PPME1: variants seen among roughly 807,000 people sequenced by gnomAD.
PPME1 encodes testicular secretory protein Li 39.
Under a neutral mutation model 56.9 loss-of-function variants are expected in PPME1, and 17 were observed. The observed-to-expected ratio is 0.30, with a 90% CI of 0.20 to 0.45. The LOEUF (loss-of-function observed/expected upper bound fraction) is 0.45. Ranked by LOEUF, PPME1 falls within the 20% of genes least tolerant of loss-of-function variation. PPME1 has a pLI of 1.00. For missense variants in PPME1, 357 were observed against 483.2 expected, an observed-to-expected ratio of 0.74 and a Z score of 2.45; for synonymous variants, 122 against 156.2, an observed-to-expected ratio of 0.78 and a Z score of 1.63.
At chr11:74,182,448 C>T (rs1228742931) in intron 1 of PPME1, among the ~76,000 whole-genome samples, 1 of 151,870 alleles carries the variant, frequency 6.6e-6, no homozygotes, top group Non-Finnish European at 1.5e-5. Flanking sequence ...CAACCTCTGC[C>T]TCACAGGTCC....
intron 1 of PPME1, among the ~76,000 whole-genome samples, chr11:74,184,147 A>G (rs1175998441): frequency 1.3e-5 from 2 of 152,224 alleles, no homozygotes; most frequent in Non-Finnish European, 2.9e-5. Context: ...TATAATGCTT[A>G]TAAAGTGCCT....
At chr11:74,208,464 TTAAATC>T (rs1215446621) in intron 3 of PPME1, among the ~76,000 whole-genome samples, 5 of 152,278 alleles carry the variant, frequency 3.3e-5, no homozygotes. Flanking sequence ...CTTACGATGT[TTAAATC>T]TAATAGGGAA....
chr11:74,200,283 C>A (rs987766128), intron 1 of PPME1, among the ~76,000 whole-genome samples: 1 of 151,850 alleles, frequency 6.6e-6, no homozygotes, highest in African/African-American at 2.4e-5. Context: ...AAGATTCTTG[C>A]CACTTATGTA....
rs116071420 is a variant in PPME1, at chr11:74,232,952, C to T, written c.644+1950C>T. ...CCTGAGCTCAAGCAGTCTGCCTGCCCGCCTCGGCCTCTCAGAGTCATGGGA... is the reference window on the plus strand; with the variant it reads ...CCTGAGCTCAAGCAGTCTGCCTGCCTGCCTCGGCCTCTCAGAGTCATGGGA... On this transcript the variant is annotated intron_variant, in intron 7 of 13. Transcript: ENST00000328257. Among the ~76,000 whole-genome samples, 173 of 150,456 alleles carry T rather than the reference C, an allele frequency of 1.1e-3. 1 individual carries two copies. Among genetic ancestry groups the T allele is most frequent in the African/African-American group, 3.7e-3 (150 of 40,904 alleles).
In PPME1 at chr11:74,254,612, CT is replaced by C. The variant is rs1289386865; in HGVS notation, c.*1103del. 2 of 153,174 alleles carry C rather than the reference CT, an allele frequency of 1.3e-5. No individual in the cohort carries two copies. Among genetic ancestry groups the C allele is most frequent in the Non-Finnish European group, 2.9e-5 (2 of 68,206 alleles). The allele number at this position is 153,174 out of a possible 1,614,324, so 9.5% of individuals were successfully genotyped here. ...CTTTCCACTCAACAACCTCCCACCCCTGTCCTGCTGCATGGTCCGGAGTCTG... is the reference window on the plus strand; with the variant it reads ...CTTTCCACTCAACAACCTCCCACCCCGTCCTGCTGCATGGTCCGGAGTCTG... On this transcript the variant is annotated 3_prime_UTR_variant, in exon 14 of 14. Coordinates refer to ENST00000328257, the MANE Select transcript of PPME1 (RefSeq NM_016147.3).
At chr11:74,251,099 C>T in intron 12 of PPME1, 81 bp downstream of exon 12, 2 of 1,538,230 alleles carry the variant, frequency 1.3e-6, no homozygotes, top group Non-Finnish European at 1.8e-6. Flanking sequence ...CTCTGAGTCT[C>T]AGCCTGCATT....
chr11:74,251,623 C>A, intron 12 of PPME1, 25 bp from the exon 13 acceptor site: 4 of 1,610,182 alleles, frequency 2.5e-6, no homozygotes, highest in Non-Finnish European at 3.4e-6. Context: ...CTTTATATGG[C>A]CTGGAATATC....
At chr11:74,233,656 T>C (rs1859122688) in intron 7 of PPME1, among the ~76,000 whole-genome samples, 1 of 151,924 alleles carries the variant, frequency 6.6e-6, no homozygotes, top group Non-Finnish European at 1.5e-5. Context: ...CTACAAAAAA[T>C]ATATATATTT....
At chr11:74,220,561 G>A (rs920911604) in intron 3 of PPME1, among the ~76,000 whole-genome samples, 17 of 152,126 alleles carry the variant, frequency 1.1e-4, no homozygotes, top group African/African-American at 4.1e-4. Context: ...TTAGCCTTGG[G>A]CAAGTTACTT....
intron 1 of PPME1, among the ~76,000 whole-genome samples, chr11:74,185,079 A>G (rs1857642010): frequency 7.1e-6 from 1 of 141,256 alleles, no homozygotes; most frequent in Admixed American, 8.1e-5. Flanking sequence ...AGCTCACTGC[A>G]ACCTCCACCT....
At chr11:74,237,678 A>G (rs1015384909) in intron 8 of PPME1, 2 of 152,048 alleles carry the variant, frequency 1.3e-5, no homozygotes, top group Admixed American at 1.3e-4. Context: ...CCTCTTTAAG[A>G]TAAGTATTGC....
At position 74,223,548 on chromosome 11, in the gene PPME1, C is replaced by CG. The variant is rs1175807335; in HGVS notation, c.346+1179_346+1180insG. 3.8e-5 allele frequency among the ~76,000 whole-genome samples: 5 copies of CG among 131,906 alleles called. No homozygotes were observed. In the South Asian group the frequency reaches 1.2e-3, roughly 31 times the overall value. 86.5% of individuals were successfully genotyped at this position (131,906 alleles called of 152,430 possible). A position where few individuals can be genotyped will look rare whatever the true frequency, so the allele number is the denominator to read the frequency against. On this transcript the variant is annotated intron_variant, in intron 4 of 13. Transcript: ENST00000328257. Reference sequence around the variant, plus strand: ...CTTCCGCAATGGTTGAACTAGTTTACAGTCCCACCAACAGTGTAAAAGTGT... The same window carrying CG: ...CTTCCGCAATGGTTGAACTAGTTTACGAGTCCCACCAACAGTGTAAAAGTGT...
At chr11:74,195,074 A>C (rs1028919122) in intron 1 of PPME1, among the ~76,000 whole-genome samples, 15 of 152,250 alleles carry the variant, frequency 9.9e-5, no homozygotes, top group Non-Finnish European at 1.5e-4. Flanking sequence ...GAAGTTTTAC[A>C]GAATTCAAAG....
At chr11:74,196,122 A>G (rs1225054663) in intron 1 of PPME1, among the ~76,000 whole-genome samples, 1 of 152,198 alleles carries the variant, frequency 6.6e-6, no homozygotes, top group Non-Finnish European at 1.5e-5. Flanking sequence ...GCTTGTAATT[A>G]TTGGAAATGA....
intron 11 of PPME1, chr11:74,247,674 A>T (rs1173811558): frequency 6.6e-6 from 1 of 152,348 alleles, no homozygotes; most frequent in Non-Finnish European, 1.5e-5. Context: ...TTTAGTAGAG[A>T]TGGAGTTTCA....
chr11:74,245,816 G>A (rs1181770593), intron 9 of PPME1, among the ~76,000 whole-genome samples: 1 of 152,132 alleles, frequency 6.6e-6, no homozygotes, highest in Non-Finnish European at 1.5e-5. Flanking sequence ...CTAGCTTTGT[G>A]ATCTTAAGAA....
chr11:74,182,160 A>T lies in PPME1; in HGVS notation c.101+10638A>T, dbSNP rs1051143066. On this transcript the variant is annotated intron_variant, in intron 1 of 13. Transcript: ENST00000328257. ...AAACTAGGATTCTCTTCCTGGCTTTACTACTTACCGCTTAACTGGTGCAAA... is the reference window on the plus strand; with the variant it reads ...AAACTAGGATTCTCTTCCTGGCTTTTCTACTTACCGCTTAACTGGTGCAAA... Among the ~76,000 whole-genome samples, 11 of 152,310 alleles carry T rather than the reference A, an allele frequency of 7.2e-5. No individual in the cohort carries two copies. In the East Asian group the frequency reaches 1.9e-3, roughly 27 times the overall value.
intron 4 of PPME1, among the ~76,000 whole-genome samples, chr11:74,223,088 C>T (rs1389096258): frequency 1.3e-5 from 2 of 151,684 alleles, no homozygotes; most frequent in African/African-American, 4.9e-5. Context: ...GCTATCCCTC[C>T]CCCCTTCCCC....
intron 9 of PPME1, among the ~76,000 whole-genome samples, chr11:74,242,922 G>A (rs1309248993): frequency 7.0e-6 from 1 of 143,806 alleles, no homozygotes; most frequent in Non-Finnish European, 1.5e-5. Flanking sequence ...AAGAAATTAA[G>A]TAACTTTCCC....
Sources: allele counts gnomAD v4.1 joint callset (sites outside exome capture counted in the v4.1 genomes callset), GRCh38; gene constraint gnomAD v4.1.1; transcripts MANE v1.5; gene names NCBI Gene and HGNC (gene_info 2026-07-23, HGNC 2026-07-21).